The following ARHGAP20 variants were observed in gnomAD, a reference collection of about 807,000 sequenced individuals.
ARHGAP20 encodes Rho GTPase activating protein 20.
ARHGAP20 carries 34 observed loss-of-function variants against 73.7 expected under a neutral mutation model. The ratio of observed to expected loss-of-function variants is 0.46; its 90% CI spans 0.35 to 0.61. The LOEUF (loss-of-function observed/expected upper bound fraction) is 0.61. Ranked by LOEUF, ARHGAP20 falls within the 20% of genes least tolerant of loss-of-function variation. The probability of loss-of-function intolerance (pLI) is 0.00; values close to 1 mark genes in which losing one functional copy is unlikely to be tolerated. For missense variants in ARHGAP20, 1,314 were observed against 1,420.9 expected (o/e 0.92, Z 1.21); for synonymous variants, 523 against 518.2 (o/e 1.01, Z -0.13).
chr11:110,707,489 G>T (rs190845451), intron 1 of ARHGAP20, among the ~76,000 whole-genome samples: 113 of 152,218 alleles, frequency 7.4e-4, no homozygotes, highest in African/African-American at 2.4e-3. Flanking sequence ...AAAAATCTTT[G>T]TCTTCTGAGA....
chr11:110,651,496 A>T (rs767677641), intron 2 of ARHGAP20, among the ~76,000 whole-genome samples: 30 of 152,198 alleles, frequency 2.0e-4, no homozygotes, highest in Non-Finnish European at 4.0e-4. Flanking sequence ...AACATGGAAG[A>T]AGAGACAGAA....
At chr11:110,648,674 G>A (rs994559028) in intron 2 of ARHGAP20, among the ~76,000 whole-genome samples, 1 of 151,816 alleles carries the variant, frequency 6.6e-6, no homozygotes, top group Admixed American at 6.6e-5. Context: ...GTAGAGACGA[G>A]GTTTCACCAT....
intron 9 of ARHGAP20, among the ~76,000 whole-genome samples, chr11:110,601,028 ATTTAG>A (rs960531889): frequency 4.6e-5 from 7 of 152,244 alleles, no homozygotes; most frequent in Non-Finnish European, 8.8e-5. Flanking sequence ...AAAGCTTTAT[ATTTAG>A]TTTAAAAATA....
At chr11:110,581,326 C>A in intron 14 of ARHGAP20, 101 bp from the exon 15 acceptor site, 1 of 1,216,204 alleles carries the variant, frequency 8.2e-7, no homozygotes. Context: ...TGTTCAAATT[C>A]CTACTCTCAA....
In ARHGAP20 at chr11:110,580,498, C is replaced by T; in HGVS notation, c.2448G>A (p.Lys816=). ...YSPMSSQDHS[K]NQPFDVNTSG... ...ATGTATTCACATCAAAGGGCTGGTTCTTGGAATGATCCTGTGAGGACATAG... is the reference window on the plus strand; with the variant it reads ...ATGTATTCACATCAAAGGGCTGGTTTTTGGAATGATCCTGTGAGGACATAG... The change falls in exon 15 of 15, where the codon AAG becomes AAA. Residue 816 remains lysine (K), a synonymous_variant. Transcript: ENST00000683387. 6.2e-7 allele frequency: 1 copy of T among 1,614,042 alleles called. No individual in the cohort carries two copies. Among genetic ancestry groups the T allele is most frequent in the Non-Finnish European group, 8.5e-7 (1 of 1,179,998 alleles).
chr11:110,663,475 G>T (rs557299617), intron 2 of ARHGAP20, among the ~76,000 whole-genome samples: 2 of 151,550 alleles, frequency 1.3e-5, no homozygotes, highest in Non-Finnish European at 3.0e-5. Context: ...AAACTATATG[G>T]CTATAAATTA....
chr11:110,601,444 A>G (rs12270265), intron 9 of ARHGAP20, among the ~76,000 whole-genome samples: 10,640 of 152,284 alleles, frequency 0.07, 414 homozygotes, highest in Middle Eastern at 0.099. Context: ...GTCAAATAAG[A>G]TGGCTCTGTT....
intron 2 of ARHGAP20, among the ~76,000 whole-genome samples, chr11:110,653,702 T>C (rs1021738522): frequency 1.3e-5 from 2 of 152,092 alleles, no homozygotes; most frequent in Non-Finnish European, 2.9e-5. Flanking sequence ...TACCATCTGA[T>C]CCAGCAATCC....
At chr11:110,646,459 C>T (rs562937847) in intron 2 of ARHGAP20, among the ~76,000 whole-genome samples, 47 of 152,064 alleles carry the variant, frequency 3.1e-4, no homozygotes, top group East Asian at 7.7e-4. Flanking sequence ...ACCATAGCAA[C>T]GATTTGACTG....
chr11:110,654,875 T>A (rs1226158518), intron 2 of ARHGAP20, among the ~76,000 whole-genome samples: 1 of 152,220 alleles, frequency 6.6e-6, no homozygotes, highest in Non-Finnish European at 1.5e-5. Context: ...AAATTCCACG[T>A]GTTTCTTAAT....
chr11:110,702,913 T>C (rs1950483096), intron 1 of ARHGAP20, among the ~76,000 whole-genome samples: 2 of 152,214 alleles, frequency 1.3e-5, no homozygotes, highest in East Asian at 1.9e-4. Context: ...GAACATTCCA[T>C]GCTCATGGGT....
chr11:110,628,126 T>A (rs1176472032), intron 3 of ARHGAP20, among the ~76,000 whole-genome samples: 6 of 152,184 alleles, frequency 3.9e-5, no homozygotes, highest in Non-Finnish European at 8.8e-5. Context: ...TGATTATTTA[T>A]CCCTCTCAAG....
chr11:110,612,214 C>T (rs1448383330), intron 6 of ARHGAP20, among the ~76,000 whole-genome samples: 3 of 151,114 alleles, frequency 2.0e-5, no homozygotes, highest in African/African-American at 7.3e-5. Flanking sequence ...GTCAGGAGAT[C>T]GAGACCATCC....
intron 2 of ARHGAP20, among the ~76,000 whole-genome samples, chr11:110,674,123 A>T (rs1415269987): frequency 6.6e-6 from 1 of 152,032 alleles, no homozygotes; most frequent in Non-Finnish European, 1.5e-5. Context: ...TTTAGCAGTG[A>T]TGGGGTTTCA....
intron 11 of ARHGAP20, among the ~76,000 whole-genome samples, chr11:110,589,121 G>GAT (rs1591298699): frequency 6.6e-6 from 1 of 152,018 alleles, no homozygotes; most frequent in African/African-American, 2.4e-5. Context: ...TAAACTAAGA[G>GAT]ATATATATAA....
rs1233986978 is a variant in ARHGAP20, at chr11:110,579,902, T to G, written c.3044A>C (p.Tyr1015Ser). The stretch of plus-strand genomic sequence containing the variant: ...CCACTCCATGGTGTCCTTCTTTGTA[T>G]AGGCTGGGCGGCTGCAAGCCTGCCC... ...SSGQACSRPAYTKKDTMEWHS... is the reference protein window; with the variant it reads ...SSGQACSRPASTKKDTMEWHS... The change falls in exon 15 of 15, where the codon TAT becomes TCT. Residue 1015 changes from tyrosine (Y) to serine (S), a missense_variant. This residue lies in a region of ARHGAP20 where 641 missense variants were observed against 636.9 expected (regional missense o/e 1.01). Transcript: ENST00000683387. The G allele has an allele frequency of 1.2e-6, 2 of 1,614,110 alleles. No homozygotes were observed. Among genetic ancestry groups the G allele is most frequent in the Non-Finnish European group, 1.7e-6 (2 of 1,180,052 alleles).
chr11:110,578,242 C>T lies in ARHGAP20; in HGVS notation c.*1128G>A. 2.0e-6 allele frequency: 2 copies of T among 985,450 alleles called. No individual in the cohort carries two copies. The highest frequency in any genetic ancestry group is 3.5e-5 in the African/African-American group (2 of 57,354). 61.0% of individuals were successfully genotyped at this position (985,450 alleles called of 1,614,324 possible). Reference sequence around the variant, plus strand: ...TATGGAACAACGTCTGGAAGCAAAACCCAAAGCAAATGGCTGTCTGAGAAG... The same window carrying T: ...TATGGAACAACGTCTGGAAGCAAAATCCAAAGCAAATGGCTGTCTGAGAAG... On this transcript the variant is annotated 3_prime_UTR_variant, in exon 15 of 15. Transcript: ENST00000683387.
intron 13 of ARHGAP20, among the ~76,000 whole-genome samples, chr11:110,583,246 G>A (rs1305239973): frequency 6.6e-6 from 1 of 152,158 alleles, no homozygotes; most frequent in African/African-American, 2.4e-5. Context: ...GAGAATGGAA[G>A]CTTAGCTGTC....
At position 110,579,802 on chromosome 11, in the gene ARHGAP20, C is replaced by T; in HGVS notation, c.3144G>A (p.Trp1048Ter). Residue 1048 changes from tryptophan to a stop codon, truncating the protein, a stop_gained, in exon 15 of 15, where the codon TGG (tryptophan) becomes TGA (stop). Transcript: ENST00000683387. LOFTEE classifies it low-confidence loss of function (END_TRUNC). ...CTGCCTTTGCTTTCTTTTTGAGGGA[C>T]CAGTTTTTCAAACTGGCCACACCAT... ...LRNGVASLKNWSLKKKAKAAR... is the reference protein window; with the variant it reads ...LRNGVASLKN The T allele has an allele frequency of 1.9e-6, 3 of 1,614,074 alleles. No individual in the cohort carries two copies. The highest frequency in any genetic ancestry group is 2.5e-6 in the Non-Finnish European group (3 of 1,180,018).
Sources: allele counts gnomAD v4.1 joint callset (sites outside exome capture counted in the v4.1 genomes callset), GRCh38; gene constraint gnomAD v4.1.1; regional missense constraint gnomAD v4.1.1; transcripts MANE v1.5; gene names NCBI Gene and HGNC (gene_info 2026-07-23, HGNC 2026-07-21).